The following CYP3A5 variants were observed in gnomAD, a reference collection of about 807,000 sequenced individuals.
The protein encoded by CYP3A5 is cytochrome P450 3A5.
Under a neutral mutation model 55.9 loss-of-function variants are expected in CYP3A5, and 51 were observed. The observed-to-expected ratio is 0.91, with a 90% confidence interval of 0.73 to 1.15. The LOEUF is 1.15. CYP3A5 is among the 50% of genes most tolerant of loss of function. The probability of loss-of-function intolerance (pLI) is 0.00; values close to 1 mark genes in which losing one functional copy is unlikely to be tolerated. For missense variants in CYP3A5, 533 were observed against 596.6 expected, an observed-to-expected ratio of 0.89 and a Z score of 1.11; for synonymous variants, 196 against 213.9, an observed-to-expected ratio of 0.92 and a Z score of 0.73.
chr7:99,679,809 T>A lies in CYP3A5; in HGVS notation c.71+17A>T. On this transcript the variant is annotated intron_variant, in intron 1 of 12. Coordinates refer to ENST00000222982, the MANE Select transcript of CYP3A5 (RefSeq NM_000777.5). ...AAGTCCAAGGAAACAAAGAGAGGAG[T>A]TTGGACAGTTACTCACAGATAGAGG... is the stretch of plus-strand genomic sequence containing the variant. 6.2e-7 allele frequency: 1 copy of A among 1,613,218 alleles called. No individual in the cohort carries two copies. Among genetic ancestry groups the A allele is most frequent in the South Asian group, 1.1e-5 (1 of 91,044 alleles).
At position 99,648,235 on chromosome 7, in the gene CYP3A5, C is replaced by CT; in HGVS notation, c.*69dup. 5.8e-6 allele frequency: 9 copies of CT among 1,562,392 alleles called. No individual in the cohort carries two copies. Among genetic ancestry groups the CT allele is most frequent in the Non-Finnish European group, 7.8e-6 (9 of 1,153,650 alleles). ...CATCTTTATTTCAAGGTTTTATTGA[C>CT]TAAGTTGAAATCTCTGGTGTTCTGG... On this transcript the variant is annotated 3_prime_UTR_variant, in exon 13 of 13. Transcript: ENST00000222982.
chr7:99,648,520 C>A, intron 12 of CYP3A5, 120 bp from the exon 13 acceptor site: 1 of 676,718 alleles, frequency 1.5e-6, no homozygotes, highest in Admixed American at 2.8e-5. Flanking sequence ...CGACTCTTAA[C>A]ACCATGTATC....
chr7:99,670,680 C>G (rs1811518440), intron 4 of CYP3A5, among the ~76,000 whole-genome samples: 1 of 152,134 alleles, frequency 6.6e-6, no homozygotes, highest in Non-Finnish European at 1.5e-5. Context: ...GACAAATATC[C>G]CTTGCTTCAC....
chr7:99,677,107 C>T, intron 1 of CYP3A5: 1 of 891,634 alleles, frequency 1.1e-6, no homozygotes, highest in African/African-American at 1.8e-5. Context: ...AGGAAAAACC[C>T]ATTAAGCCTG....
At chr7:99,667,903 A>G (rs1159576584) in intron 4 of CYP3A5, among the ~76,000 whole-genome samples, 1 of 152,222 alleles carries the variant, frequency 6.6e-6, no homozygotes, top group Non-Finnish European at 1.5e-5. Context: ...CCCACTCTCA[A>G]CATTCTTACT....
chr7:99,654,583 T>C (rs1407186749), intron 10 of CYP3A5, among the ~76,000 whole-genome samples: 1 of 152,234 alleles, frequency 6.6e-6, no homozygotes, highest in Non-Finnish European at 1.5e-5. Context: ...TTATAATCCT[T>C]TGGGTATATA....
intron 7 of CYP3A5, among the ~76,000 whole-genome samples, chr7:99,664,905 CA>C (rs1810828823): frequency 6.6e-6 from 1 of 152,040 alleles, no homozygotes; most frequent in Non-Finnish European, 1.5e-5. Context: ...CCAGAATAGG[CA>C]AATCTATAGA....
At chr7:99,660,788 G>A in intron 9 of CYP3A5, 129 bp from the exon 10 acceptor site, 3 of 1,129,984 alleles carry the variant, frequency 2.7e-6, no homozygotes, top group Non-Finnish European at 3.8e-6. Flanking sequence ...GTCACACTGG[G>A]AGTGGTTTTC....
In CYP3A5 at chr7:99,662,812, T is replaced by C. The variant is rs773263948; in HGVS notation, c.865+4A>G. ...AGTAGCCCTCAGAAGCACTCCTTGG[T>C]TACCTTTGTGGGACTCAGTTTCTTT... is the stretch of plus-strand genomic sequence containing the variant. On this transcript the variant is annotated splice_donor_region_variant and intron_variant, in intron 9 of 12. Transcript: ENST00000222982. This position sits in a 1 kb window ranked among gnomAD's most constrained non-coding sequence, Gnocchi z 4.3. 1 of 1,613,648 alleles carries C rather than the reference T, an allele frequency of 6.2e-7. No homozygotes were observed. Among genetic ancestry groups the C allele is most frequent in the South Asian group, 1.1e-5 (1 of 91,076 alleles).
At chr7:99,675,294 A>G (rs868638453) in intron 2 of CYP3A5, among the ~76,000 whole-genome samples, 27 of 152,362 alleles carry the variant, frequency 1.8e-4, no homozygotes, top group Admixed American at 1.3e-3. Context: ...TTCAGCTGTG[A>G]TGTTTTAACC....
At chr7:99,672,711 C>G in intron 3 of CYP3A5, 32 bp from the exon 4 acceptor site, 1 of 1,612,458 alleles carries the variant, frequency 6.2e-7, no homozygotes, top group Non-Finnish European at 8.5e-7. Context: ...GATTAAACTT[C>G]ACTAGCCCGA....
At chr7:99,674,833 A>G (rs1026296078) in intron 2 of CYP3A5, among the ~76,000 whole-genome samples, 5 of 152,356 alleles carry the variant, frequency 3.3e-5, no homozygotes, top group Middle Eastern at 3.4e-3. Context: ...GTCTATGACC[A>G]GTAAGTAATT....
At chr7:99,656,013 T>A (rs929288217) in intron 10 of CYP3A5, among the ~76,000 whole-genome samples, 58 of 152,232 alleles carry the variant, frequency 3.8e-4, no homozygotes. Context: ...TATACAATCA[T>A]GTCATCTGCA....
chr7:99,665,774 C>T (rs1355718770), intron 6 of CYP3A5, among the ~76,000 whole-genome samples: 1 of 152,226 alleles, frequency 6.6e-6, no homozygotes, highest in Non-Finnish European at 1.5e-5. Flanking sequence ...AACAGTAACA[C>T]CCTGTTCTGA....
intron 1 of CYP3A5, 93 bp downstream of exon 1, chr7:99,679,733 C>G: frequency 8.2e-7 from 1 of 1,217,604 alleles, no homozygotes; most frequent in East Asian, 2.3e-5. Flanking sequence ...CCTTGAACAT[C>G]TCTTTTGATC....
In CYP3A5 at chr7:99,648,319, G is replaced by C. The variant is rs993465004; in HGVS notation, c.1495C>G (p.Leu499Val). The change falls in exon 13 of 13, where the codon CTA becomes GTA. Residue 499 changes from leucine (L) to valine (V), a missense_variant. By Grantham distance (32) the Leu-to-Val change is conservative. Transcript: ENST00000222982. ...VLKVDSRDGT[L>V]SGE ...CTTAGAATAACTCATTCTCCACTTA[G>C]GGTTCCATCTCTTGAATCCACCTTT... The C allele has an allele frequency of 6.2e-7, 1 of 1,612,962 alleles. No homozygotes were observed. The highest frequency in any genetic ancestry group is 1.1e-5 in the South Asian group (1 of 90,924).
chr7:99,650,305 C>A, intron 11 of CYP3A5, 73 bp from the exon 12 acceptor site: 8 of 1,439,512 alleles, frequency 5.6e-6, no homozygotes, highest in South Asian at 1.2e-5. Context: ...GGGGTTCTTA[C>A]TTAAGAACAA....
intron 12 of CYP3A5, among the ~76,000 whole-genome samples, chr7:99,649,166 G>A (rs888026524): frequency 2.0e-5 from 3 of 152,162 alleles, no homozygotes; most frequent in Non-Finnish European, 1.5e-5. Flanking sequence ...TATCTTCCCT[G>A]TCCCAGGTGT....
chr7:99,666,860 C>G, intron 5 of CYP3A5, 92 bp downstream of exon 5: 1 of 1,589,132 alleles, frequency 6.3e-7, no homozygotes, highest in Non-Finnish European at 8.6e-7. Context: ...ACTCAGTGGA[C>G]TACCCCTTGG....
Sources: allele counts gnomAD v4.1 joint callset (sites outside exome capture counted in the v4.1 genomes callset), GRCh38; gene constraint gnomAD v4.1.1; non-coding constraint Gnocchi (gnomAD v3.1); transcripts MANE v1.5; gene names NCBI Gene and HGNC (gene_info 2026-07-23, HGNC 2026-07-21).